SDK1: variants seen among roughly 807,000 people sequenced by gnomAD.
SDK1 encodes the protein protein sidekick-1.
SDK1 carries 157 observed loss-of-function variants against 245.5 expected under a neutral mutation model. The observed-to-expected ratio is 0.64, with a 90% confidence interval of 0.56 to 0.73. SDK1 has a LOEUF of 0.73. Among genes scored for constraint, SDK1 ranks in the 30% least tolerant of loss-of-function variants. The probability of loss-of-function intolerance (pLI) is 0.00; values close to 1 mark genes in which losing one functional copy is unlikely to be tolerated. For synonymous variants in SDK1, 1,647 were observed against 1,278.5 expected, an observed-to-expected ratio of 1.29 and a Z score of -6.15; for missense variants, 3,583 against 3,002.3, an observed-to-expected ratio of 1.19 and a Z score of -4.52.
intron 1 of SDK1, among the ~76,000 whole-genome samples, chr7:3,532,167 C>G (rs546829309): frequency 2.0e-5 from 3 of 152,276 alleles, no homozygotes; most frequent in African/African-American, 7.2e-5. Context: ...TGGCTCAGGA[C>G]TACTGTTTTT....
chr7:4,048,674 C>T (rs1339475016), intron 17 of SDK1, among the ~76,000 whole-genome samples: 2 of 152,218 alleles, frequency 1.3e-5, no homozygotes, highest in East Asian at 3.9e-4. Flanking sequence ...CAGTCATCTG[C>T]CCTTCACGAG....
intron 4 of SDK1, among the ~76,000 whole-genome samples, chr7:3,796,087 G>A (rs1016194577): frequency 1.3e-5 from 2 of 152,176 alleles, no homozygotes; most frequent in South Asian, 2.1e-4. Flanking sequence ...TGGCTCTCTT[G>A]ATTTGCTTAC....
intron 5 of SDK1, among the ~76,000 whole-genome samples, chr7:3,907,129 A>C (rs958084723): frequency 6.6e-6 from 1 of 152,064 alleles, no homozygotes; most frequent in African/African-American, 2.4e-5. Flanking sequence ...TTTTATTATG[A>C]AGATTTGTCT....
chr7:3,750,060 C>T (rs2115063086), intron 4 of SDK1, among the ~76,000 whole-genome samples: 1 of 152,242 alleles, frequency 6.6e-6, no homozygotes, highest in East Asian at 1.9e-4. Context: ...GACTTCTTTG[C>T]CTAGCAGAAA....
chr7:3,950,788 T>G, intron 5 of SDK1, 135 bp from the exon 6 acceptor site: 3 of 631,006 alleles, frequency 4.8e-6, no homozygotes, highest in Non-Finnish European at 8.6e-6. Context: ...TCAGGGACAA[T>G]TTGTGTCTGT....
At chr7:3,447,699 C>CTTTTTT (rs56137514) in intron 1 of SDK1, among the ~76,000 whole-genome samples, 3 of 89,554 alleles carry the variant, frequency 3.3e-5, no homozygotes, top group African/African-American at 4.3e-5. Context: ...GCTTATATAT[C>CTTTTTT]TTTTTTTTTT....
At chr7:4,079,644 A>G (rs1401454030) in intron 22 of SDK1, 60 bp downstream of exon 22, 6 of 1,602,278 alleles carry the variant, frequency 3.7e-6, no homozygotes, top group Non-Finnish European at 5.1e-6. Context: ...GGGCCTGTGA[A>G]TGAGTGGTAC....
At chr7:3,615,910 T>C (rs1243402722) in intron 1 of SDK1, among the ~76,000 whole-genome samples, 1 of 151,486 alleles carries the variant, frequency 6.6e-6, no homozygotes, top group Non-Finnish European at 1.5e-5. Context: ...AGGGTCTTGG[T>C]CTGTCACCCA....
intron 1 of SDK1, among the ~76,000 whole-genome samples, chr7:3,461,328 C>G (rs1404517977): frequency 6.6e-6 from 1 of 152,144 alleles, no homozygotes; most frequent in Non-Finnish European, 1.5e-5. Context: ...AATTCTTTGT[C>G]TGTTTGATAT....
intron 1 of SDK1, among the ~76,000 whole-genome samples, chr7:3,462,875 A>G (rs937670228): frequency 4.6e-5 from 7 of 152,192 alleles, no homozygotes; most frequent in Non-Finnish European, 1.0e-4. Context: ...GGGAAACAGA[A>G]GTGATATCAT....
chr7:3,997,435 C>T (rs1784765339), intron 14 of SDK1, among the ~76,000 whole-genome samples: 1 of 152,016 alleles, frequency 6.6e-6, no homozygotes. Flanking sequence ...CCTCTGCTGG[C>T]AGCTCATCCC....
At chr7:3,650,288 C>T (rs1782970658) in intron 4 of SDK1, among the ~76,000 whole-genome samples, 1 of 152,146 alleles carries the variant, frequency 6.6e-6, no homozygotes. Context: ...GTGCAATCAT[C>T]ACCATCATCC....
At chr7:4,213,602 A>G (rs1297497170) in intron 38 of SDK1, among the ~76,000 whole-genome samples, 1 of 151,340 alleles carries the variant, frequency 6.6e-6, no homozygotes, top group Non-Finnish European at 1.5e-5. Context: ...AAAAACCAGT[A>G]CTTCATTCCA....
At position 4,082,152 on chromosome 7, in the gene SDK1, C is replaced by T. The variant is rs1781099461; in HGVS notation, c.3324+2568C>T. 2.0e-5 allele frequency among the ~76,000 whole-genome samples: 3 copies of T among 152,090 alleles called. No homozygotes were observed. In the South Asian group the frequency reaches 6.2e-4, roughly 32 times the overall value. ...GGGAGGGGGCCACCTGAGGAGGGGGCGTCTGGAATGGCAGGAGTGCTGTCT... is the reference window on the plus strand; with the variant it reads ...GGGAGGGGGCCACCTGAGGAGGGGGTGTCTGGAATGGCAGGAGTGCTGTCT... On this transcript the variant is annotated intron_variant, in intron 22 of 44. Transcript: ENST00000404826.
intron 4 of SDK1, among the ~76,000 whole-genome samples, chr7:3,688,220 G>C (rs1213381396): frequency 6.6e-6 from 1 of 152,184 alleles, no homozygotes; most frequent in African/African-American, 2.4e-5. Context: ...TTTCTTAGGA[G>C]TGTTACAAGC....
intron 1 of SDK1, among the ~76,000 whole-genome samples, chr7:3,491,240 TC>T (rs1214338815): frequency 6.6e-6 from 1 of 152,232 alleles, no homozygotes; most frequent in African/African-American, 2.4e-5. Context: ...AGCCCATCGT[TC>T]CTTAAGCACC....
At chr7:3,978,968 G>A (rs773569383) in intron 13 of SDK1, among the ~76,000 whole-genome samples, 5 of 152,190 alleles carry the variant, frequency 3.3e-5, no homozygotes, top group Admixed American at 1.3e-4. Flanking sequence ...TTTGCCCCGA[G>A]TTTTACACTT....
chr7:3,952,289 T>C (rs1045727670), intron 7 of SDK1, among the ~76,000 whole-genome samples: 1 of 152,220 alleles, frequency 6.6e-6, no homozygotes, highest in Non-Finnish European at 1.5e-5. Context: ...AACTATTCTA[T>C]TATTGCTGTC....
intron 2 of SDK1, among the ~76,000 whole-genome samples, chr7:3,634,438 C>G (rs530717831): frequency 2.8e-4 from 42 of 152,162 alleles, no homozygotes; most frequent in Non-Finnish European, 5.4e-4. Context: ...GTTTTATTTT[C>G]TTTGCCATTC....
Sources: gnomAD v4.1 joint callset for allele counts (sites outside exome capture counted in the v4.1 genomes callset) on GRCh38, gnomAD v4.1.1 for gene constraint, MANE v1.5 for transcripts, NCBI Gene and HGNC (gene_info 2026-07-23, HGNC 2026-07-21) for gene names.